The following CD2AP variants were observed in gnomAD, a reference collection of about 807,000 sequenced individuals.
CD2AP encodes the protein CD2 associated protein.
CD2AP carries 46 observed loss-of-function variants against 85.1 expected under a neutral mutation model. The ratio of observed to expected loss-of-function variants is 0.54; its 90% confidence interval spans 0.43 to 0.69. The LOEUF (loss-of-function observed/expected upper bound fraction) is 0.69. Among genes scored for constraint, CD2AP ranks in the 30% least tolerant of loss-of-function variants. The pLI is 0.00. For missense variants in CD2AP, 769 were observed against 729.5 expected, an observed-to-expected ratio of 1.05 and a Z score of -0.62; for synonymous variants, 255 against 252.9, an observed-to-expected ratio of 1.01 and a Z score of -0.08.
rs1769903367 is a variant in CD2AP, at chr6:47,626,246, A to G, written c.*2019A>G. ...TGCTTGTGTCCTCCTCAGTCAGAAT[A>G]GAAAAGTAACTGAAATACTTTTACC... On this transcript the variant is annotated 3_prime_UTR_variant, in exon 18 of 18. Transcript: ENST00000359314. 1 of 151,984 alleles carries G rather than the reference A, an allele frequency of 6.6e-6. No homozygotes were observed. Among genetic ancestry groups the G allele is most frequent in the African/African-American group, 2.4e-5 (1 of 41,444 alleles). 9.4% of individuals were successfully genotyped at this position (151,984 alleles called of 1,614,324 possible).
chr6:47,605,999 G>A (rs1446360616), intron 13 of CD2AP, among the ~76,000 whole-genome samples, 166 bp from the exon 14 acceptor site: 1 of 151,468 alleles, frequency 6.6e-6, no homozygotes, highest in African/African-American at 2.4e-5. Context: ...TTTTAAGGGC[G>A]AGTGTTGTTT....
intron 8 of CD2AP, 73 bp downstream of exon 8, chr6:47,577,176 C>A: frequency 2.4e-6 from 2 of 823,134 alleles, no homozygotes; most frequent in Non-Finnish European, 4.2e-6. Flanking sequence ...TATACATTCA[C>A]CCTAGAGTGT....
chr6:47,624,074 GAAA>G, intron 17 of CD2AP, 109 bp from the exon 18 acceptor site: 1 of 907,128 alleles, frequency 1.1e-6, no homozygotes, highest in Non-Finnish European at 1.8e-6. Flanking sequence ...TTTAGGTCTG[GAAA>G]AAAAGTCTGA....
At chr6:47,496,368 A>G (rs1460351081) in intron 1 of CD2AP, among the ~76,000 whole-genome samples, 1 of 151,934 alleles carries the variant, frequency 6.6e-6, no homozygotes, top group African/African-American at 2.4e-5. Flanking sequence ...TTGTTTTACG[A>G]TTTTCTTTCC....
At chr6:47,515,521 A>G (rs1766431226) in intron 2 of CD2AP, among the ~76,000 whole-genome samples, 1 of 152,194 alleles carries the variant, frequency 6.6e-6, no homozygotes, top group Non-Finnish European at 1.5e-5. Context: ...TTCTTACCCA[A>G]AGTCTTGCTG....
At chr6:47,486,427 CGAGA>C (rs199920707) in intron 1 of CD2AP, among the ~76,000 whole-genome samples, 48 of 151,970 alleles carry the variant, frequency 3.2e-4, no homozygotes, top group African/African-American at 1.1e-3. Context: ...GAAAAATAAA[CGAGA>C]GAGAGAGTAT....
chr6:47,611,814 G>T lies in CD2AP; in HGVS notation c.1815-659G>T, dbSNP rs556441709. On this transcript the variant is annotated intron_variant, in intron 16 of 17. Coordinates refer to ENST00000359314, the MANE Select transcript of CD2AP (RefSeq NM_012120.3). Reference sequence around the variant, plus strand: ...AGCCAAACAAAAAACCTCGATATTTGAATACCAAATCACAATTATAAATAT... The same window carrying T: ...AGCCAAACAAAAAACCTCGATATTTTAATACCAAATCACAATTATAAATAT... Among the ~76,000 whole-genome samples the T allele has an allele frequency of 4.9e-4, 75 of 151,850 alleles. 2 individuals are homozygous for T. The South Asian group carries it at 0.015, about 31-fold the overall frequency.
Position 47,607,069 on chromosome 6 carries a change from C to T in CD2AP, c.1530+792C>T, listed in dbSNP as rs187086605. Among the ~76,000 whole-genome samples the T allele has an allele frequency of 7.0e-4, 107 of 152,176 alleles. 2 individuals carry two copies. The East Asian group carries it at 0.018, about 26-fold the overall frequency. Reference sequence around the variant, plus strand: ...GTGAGAATATGCAAAGTTTGTTCTTCTGTGCCAGGTTTAGTTCACTTAACA... The same window carrying T: ...GTGAGAATATGCAAAGTTTGTTCTTTTGTGCCAGGTTTAGTTCACTTAACA... On this transcript the variant is annotated intron_variant, in intron 14 of 17. Transcript: ENST00000359314.
At position 47,606,294 on chromosome 6, in the gene CD2AP, G is replaced by A; in HGVS notation, c.1530+17G>A. ...GGACATTCTGTGAGTTCATCTAATT[G>A]TCGTAAACTACAGTATATTTAGCAA... On this transcript the variant is annotated intron_variant, in intron 14 of 17. Transcript: ENST00000359314. 1 of 1,328,904 alleles carries A rather than the reference G, an allele frequency of 7.5e-7. No homozygotes were observed. Among genetic ancestry groups the A allele is most frequent in the South Asian group, 1.2e-5 (1 of 85,420 alleles). 82.3% of individuals were successfully genotyped at this position (1,328,904 alleles called of 1,614,324 possible).
Position 47,609,264 on chromosome 6 carries a change from G to A in CD2AP, c.1774G>A (p.Glu592Lys), listed in dbSNP as rs745345734. 4.3e-6 allele frequency: 7 copies of A among 1,613,534 alleles called. No individual in the cohort carries two copies. In the African/African-American group the frequency reaches 9.3e-5, roughly 22 times the overall value. Residue 592 changes from glutamate to lysine, a missense_variant, in exon 16 of 18, where the codon GAA (glutamate) becomes AAA (lysine). Transcript: ENST00000359314. ...SLDELRAQIIELLCIVEALKK... is the reference protein window; with the variant it reads ...SLDELRAQIIKLLCIVEALKK... ...GGATGAACTTAGAGCCCAGATTATT[G>A]AATTGTTGTGCATTGTAGAAGCACT...
intron 1 of CD2AP, among the ~76,000 whole-genome samples, chr6:47,483,388 C>G (rs1765491658): frequency 6.6e-6 from 1 of 152,028 alleles, no homozygotes; most frequent in Admixed American, 6.6e-5. Flanking sequence ...GTAGCAGGCA[C>G]TAGGTAGAGA....
intron 5 of CD2AP, among the ~76,000 whole-genome samples, chr6:47,572,465 G>C (rs1020818098): frequency 2.0e-5 from 3 of 151,960 alleles, no homozygotes; most frequent in African/African-American, 7.3e-5. Flanking sequence ...TCAGTCTTCT[G>C]TGTGACTTAG....
At chr6:47,561,313 G>C (rs1582560751) in intron 5 of CD2AP, among the ~76,000 whole-genome samples, 1 of 152,174 alleles carries the variant, frequency 6.6e-6, no homozygotes, top group East Asian at 1.9e-4. Flanking sequence ...GGCAATCATA[G>C]ATCTGGTTTG....
chr6:47,548,956 A>G (rs1057463164), intron 4 of CD2AP, among the ~76,000 whole-genome samples: 1 of 152,194 alleles, frequency 6.6e-6, no homozygotes, highest in Non-Finnish European at 1.5e-5. Flanking sequence ...CAAAAATCAC[A>G]TGATCATCTC....
At chr6:47,589,497 T>C (rs1275201044) in intron 11 of CD2AP, among the ~76,000 whole-genome samples, 2 of 147,038 alleles carry the variant, frequency 1.4e-5, no homozygotes, top group African/African-American at 2.5e-5. Context: ...TATGTGCACA[T>C]ATATATACAC....
rs1332036523 is a variant in CD2AP, at chr6:47,612,517, C to A, written c.1859C>A (p.Thr620Lys). 2 of 1,606,812 alleles carry A rather than the reference C, an allele frequency of 1.2e-6. No individual in the cohort carries two copies. The highest frequency in any genetic ancestry group is 1.7e-5 in the Admixed American group (1 of 59,926). ...CGAAAAGATTTGGAAGAAGAGAAGA[C>A]AATGAGAAGTAATCTAGAGGTAATT... ...KLRKDLEEEKTMRSNLEMEIE... is the reference protein window; with the variant it reads ...KLRKDLEEEKKMRSNLEMEIE... The change falls in exon 17 of 18, where the codon ACA (threonine) becomes AAA (lysine). Residue 620 changes from threonine (T) to lysine (K), a missense_variant. Coordinates refer to ENST00000359314, the MANE Select transcript of CD2AP (RefSeq NM_012120.3).
chr6:47,546,634 G>A (rs749370460), intron 4 of CD2AP, among the ~76,000 whole-genome samples: 1 of 151,684 alleles, frequency 6.6e-6, no homozygotes, highest in Non-Finnish European at 1.5e-5. Flanking sequence ...AAACTTCCCC[G>A]GCCTTGCCAG....
intron 1 of CD2AP, among the ~76,000 whole-genome samples, chr6:47,497,114 ATAAT>A (rs1360589943): frequency 6.6e-6 from 1 of 151,690 alleles, no homozygotes; most frequent in Non-Finnish European, 1.5e-5. Context: ...CAAAGTTAAA[ATAAT>A]TACTTTCACA....
chr6:47,518,667 G>A (rs1021970190), intron 2 of CD2AP, among the ~76,000 whole-genome samples: 12 of 152,320 alleles, frequency 7.9e-5, no homozygotes, highest in African/African-American at 2.6e-4. Flanking sequence ...ATACTTGGGA[G>A]TGGGATTGCT....
Sources: allele counts gnomAD v4.1 joint callset (sites outside exome capture counted in the v4.1 genomes callset), GRCh38; gene constraint gnomAD v4.1.1; transcripts MANE v1.5; gene names NCBI Gene and HGNC (gene_info 2026-07-23, HGNC 2026-07-21).